The following CNTN5 variants were observed in gnomAD, a reference collection of about 807,000 sequenced individuals.
CNTN5 encodes contactin-5.
In CNTN5, 77 loss-of-function variants were observed where a neutral mutation model predicts 129.1. That is an observed-to-expected ratio of 0.60 (90% confidence interval 0.50 to 0.72). The LOEUF (loss-of-function observed/expected upper bound fraction) is 0.72, where lower values mean the gene tolerates loss of function less well. Among genes scored for constraint, CNTN5 ranks in the 30% least tolerant of loss-of-function variants. The pLI is 0.00. For missense variants in CNTN5, 1,478 were observed against 1,328.8 expected, an observed-to-expected ratio of 1.11 and a Z score of -1.75; for synonymous variants, 509 against 465.6, an observed-to-expected ratio of 1.09 and a Z score of -1.20.
At chr11:99,749,272 TA>T (rs1286753811) in intron 3 of CNTN5, among the ~76,000 whole-genome samples, 2 of 151,742 alleles carry the variant, frequency 1.3e-5, no homozygotes, top group East Asian at 1.9e-4. Context: ...AGAGGGGGAT[TA>T]AAAAAAAGAA....
At chr11:99,936,998 G>A (rs917719511) in intron 7 of CNTN5, among the ~76,000 whole-genome samples, 1 of 152,078 alleles carries the variant, frequency 6.6e-6, no homozygotes, top group Non-Finnish European at 1.5e-5. Flanking sequence ...TTAAGTGTAT[G>A]TAATACAGTA....
At chr11:99,776,698 T>A (rs1247710219) in intron 3 of CNTN5, among the ~76,000 whole-genome samples, 1 of 151,672 alleles carries the variant, frequency 6.6e-6, no homozygotes, top group Non-Finnish European at 1.5e-5. Flanking sequence ...ACAGCAGTGC[T>A]CTCTACGGGA....
At chr11:99,350,251 C>T (rs538359145) in intron 2 of CNTN5, among the ~76,000 whole-genome samples, 4 of 152,022 alleles carry the variant, frequency 2.6e-5, no homozygotes, top group South Asian at 2.1e-4. Context: ...AAATTAACAA[C>T]GGAATGCCTA....
At chr11:99,298,616 A>C (rs927691362) in intron 1 of CNTN5, among the ~76,000 whole-genome samples, 3 of 152,108 alleles carry the variant, frequency 2.0e-5, no homozygotes, top group Non-Finnish European at 2.9e-5. Flanking sequence ...TCTGATACCA[A>C]AGTTGTTATA....
rs1953771787 is a variant in CNTN5, at chr11:99,685,937, C to T, written c.55+129668C>T. ...ATAATAATTACCTCTATTCCCACTT[C>T]ATAGTTTATTAGTCATATATGCCTT... On this transcript the variant is annotated intron_variant, in intron 3 of 24. Transcript: ENST00000524871. 1.3e-5 allele frequency among the ~76,000 whole-genome samples: 2 copies of T among 151,964 alleles called. 1 individual carries two copies. Among genetic ancestry groups the T allele is most frequent in the South Asian group, 4.1e-4 (2 of 4,824 alleles).
At chr11:99,878,416 A>G (rs1450528657) in intron 6 of CNTN5, among the ~76,000 whole-genome samples, 4 of 152,162 alleles carry the variant, frequency 2.6e-5, no homozygotes, top group Non-Finnish European at 4.4e-5. Flanking sequence ...ACAACTTACA[A>G]TTTTTTCAAA....
chr11:100,341,224 T>C lies in CNTN5; in HGVS notation c.3030+19T>C. ...TTACAAGGTCAGTATTTCTTCACTCTTTTGCATAGATACTCATCTCCGAAA... is the reference window on the plus strand; with the variant it reads ...TTACAAGGTCAGTATTTCTTCACTCCTTTGCATAGATACTCATCTCCGAAA... On this transcript the variant is annotated intron_variant, in intron 23 of 24. Coordinates refer to ENST00000524871, the MANE Select transcript of CNTN5 (RefSeq NM_014361.4). The C allele has an allele frequency of 1.3e-6, 2 of 1,531,282 alleles. No individual in the cohort carries two copies. Among genetic ancestry groups the C allele is most frequent in the Non-Finnish European group, 1.8e-6 (2 of 1,104,708 alleles). The allele number at this position is 1,531,282 out of a possible 1,614,324, so 94.9% of individuals were successfully genotyped here.
chr11:99,129,700 G>A (rs185271318), intron 1 of CNTN5, among the ~76,000 whole-genome samples: 1 of 152,202 alleles, frequency 6.6e-6, no homozygotes, highest in East Asian at 1.9e-4. Flanking sequence ...AAAATGTTAA[G>A]GGCAGTCAGA....
chr11:100,270,114 C>G (rs556849343), intron 17 of CNTN5, among the ~76,000 whole-genome samples: 11 of 151,168 alleles, frequency 7.3e-5, no homozygotes, highest in Non-Finnish European at 1.3e-4. Flanking sequence ...AAAAACACAT[C>G]AGCCCTGCAG....
intron 19 of CNTN5, among the ~76,000 whole-genome samples, chr11:100,298,739 A>C (rs982924022): frequency 1.3e-5 from 2 of 151,334 alleles, no homozygotes; most frequent in South Asian, 2.1e-4. Context: ...ACACTACAAA[A>C]AAGGTTTTAA....
chr11:99,919,339 T>C (rs983417920), intron 7 of CNTN5, among the ~76,000 whole-genome samples: 4 of 152,176 alleles, frequency 2.6e-5, no homozygotes, highest in Non-Finnish European at 5.9e-5. Context: ...TATCAGAGTT[T>C]GATTCCTCTT....
chr11:99,798,660 T>G (rs1946023050), intron 3 of CNTN5, among the ~76,000 whole-genome samples: 1 of 152,170 alleles, frequency 6.6e-6, no homozygotes, highest in South Asian at 2.1e-4. Flanking sequence ...GGAGCTGTTT[T>G]GAGTACTGTA....
intron 1 of CNTN5, among the ~76,000 whole-genome samples, chr11:99,174,047 G>A (rs962605998): frequency 2.6e-5 from 4 of 152,104 alleles, no homozygotes; most frequent in Non-Finnish European, 5.9e-5. Flanking sequence ...ACGCAGGCTG[G>A]AGTGCAGTGG....
At chr11:99,832,232 A>G (rs1947164559) in intron 4 of CNTN5, among the ~76,000 whole-genome samples, 1 of 152,228 alleles carries the variant, frequency 6.6e-6, no homozygotes, top group African/African-American at 2.4e-5. Context: ...AGAAATGCCC[A>G]TTAAAATGAT....
chr11:99,809,485 G>A (rs1441376), intron 3 of CNTN5, among the ~76,000 whole-genome samples: 41,940 of 151,800 alleles, frequency 0.28, 6,192 homozygotes, highest in East Asian at 0.49. Context: ...ATCCTATATT[G>A]CATTATTTGT....
chr11:99,041,998 T>C (rs1028286331), intron 1 of CNTN5, among the ~76,000 whole-genome samples: 1 of 152,212 alleles, frequency 6.6e-6, no homozygotes, highest in Non-Finnish European at 1.5e-5. Context: ...CCTGAATAAT[T>C]TCTACTTATA....
chr11:99,830,797 A>T (rs976475287), intron 4 of CNTN5, among the ~76,000 whole-genome samples: 1 of 152,114 alleles, frequency 6.6e-6, no homozygotes, highest in African/African-American at 2.4e-5. Flanking sequence ...TTACCAATTT[A>T]AGTATATGTG....
chr11:99,179,022 C>T (rs546600487), intron 1 of CNTN5, among the ~76,000 whole-genome samples: 2 of 152,224 alleles, frequency 1.3e-5, no homozygotes, highest in African/African-American at 4.8e-5. Flanking sequence ...AATGTATTTA[C>T]ATTCCTGTAA....
chr11:99,475,498 G>A (rs1945336446), intron 2 of CNTN5, among the ~76,000 whole-genome samples: 1 of 152,096 alleles, frequency 6.6e-6, no homozygotes, highest in Non-Finnish European at 1.5e-5. Context: ...TAGCTGCAGA[G>A]TACTTGTTAT....
Sources: gnomAD v4.1 joint callset for allele counts (sites outside exome capture counted in the v4.1 genomes callset) on GRCh38, gnomAD v4.1.1 for gene constraint, MANE v1.5 for transcripts, NCBI Gene and HGNC (gene_info 2026-07-23, HGNC 2026-07-21) for gene names.